Variants in MAST4 observed in about 807,000 individuals in gnomAD.
The protein encoded by MAST4 is microtubule-associated serine/threonine-protein kinase 4.
A neutral mutation model predicts 162.7 loss-of-function variants in MAST4; 89 were observed. The ratio of observed to expected loss-of-function variants is 0.55; its 90% CI spans 0.46 to 0.65. The LOEUF is 0.65. MAST4 is among the 30% of genes least tolerant of loss of function. The pLI is 0.00. For synonymous variants in MAST4, 1,479 were observed against 1,361.1 expected, an observed-to-expected ratio of 1.09 and a Z score of -1.91; for missense variants, 3,153 against 3,374.0, an observed-to-expected ratio of 0.93 and a Z score of 1.62.
At chr5:66,956,205 C>T (rs1255650862) in intron 4 of MAST4, among the ~76,000 whole-genome samples, 2 of 152,036 alleles carry the variant, frequency 1.3e-5, no homozygotes, top group Admixed American at 6.6e-5. Flanking sequence ...TTCTGACTTT[C>T]GTATCTAGCT....
intron 3 of MAST4, among the ~76,000 whole-genome samples, chr5:66,846,586 A>G (rs569391788): frequency 1.7e-4 from 26 of 152,268 alleles, no homozygotes; most frequent in African/African-American, 6.3e-4. Context: ...TTAATCCATG[A>G]CTGTAAATTA....
intron 4 of MAST4, among the ~76,000 whole-genome samples, chr5:66,910,028 G>A (rs1316402173): frequency 6.6e-6 from 1 of 152,040 alleles, no homozygotes; most frequent in African/African-American, 2.4e-5. Flanking sequence ...CCAGTCTTGG[G>A]TATGTCTTTA....
chr5:66,706,780 C>A (rs1332160364), intron 1 of MAST4, among the ~76,000 whole-genome samples: 1 of 152,028 alleles, frequency 6.6e-6, no homozygotes, highest in Non-Finnish European at 1.5e-5. Context: ...GTTTTGACTT[C>A]AGTTGATACA....
intron 5 of MAST4, among the ~76,000 whole-genome samples, chr5:67,084,680 A>G (rs144316126): frequency 1.3e-5 from 2 of 152,248 alleles, no homozygotes; most frequent in South Asian, 2.1e-4. Context: ...TTGTCTGCCT[A>G]TTGTTATACT....
At chr5:66,913,352 C>T (rs182149054) in intron 4 of MAST4, among the ~76,000 whole-genome samples, 6 of 151,214 alleles carry the variant, frequency 4.0e-5, no homozygotes. Flanking sequence ...TTTTTAAAAA[C>T]TTTACATAAC....
chr5:66,797,647 T>C (rs1027673655), intron 3 of MAST4, among the ~76,000 whole-genome samples: 1 of 152,164 alleles, frequency 6.6e-6, no homozygotes, highest in Non-Finnish European at 1.5e-5. Flanking sequence ...AGGTGGAAGC[T>C]AACAACATGC....
intron 2 of MAST4, among the ~76,000 whole-genome samples, chr5:66,765,492 A>G (rs1754052951): frequency 6.6e-6 from 1 of 152,088 alleles, no homozygotes; most frequent in Non-Finnish European, 1.5e-5. Context: ...TTATCGTATC[A>G]ATATTTATGT....
At chr5:67,049,411 A>C (rs1757892085) in intron 4 of MAST4, among the ~76,000 whole-genome samples, 2 of 152,184 alleles carry the variant, frequency 1.3e-5, no homozygotes, top group African/African-American at 4.8e-5. Flanking sequence ...TTTATGCAGC[A>C]TTACCACATT....
chr5:66,921,247 T>G (rs1464073421), intron 4 of MAST4, among the ~76,000 whole-genome samples: 1 of 152,158 alleles, frequency 6.6e-6, no homozygotes, highest in African/African-American at 2.4e-5. Context: ...CAAATGAGTA[T>G]TCTGTGCTGA....
chr5:66,661,432 G>T (rs1280426345), intron 1 of MAST4, among the ~76,000 whole-genome samples: 1 of 152,188 alleles, frequency 6.6e-6, no homozygotes, highest in Non-Finnish European at 1.5e-5. Flanking sequence ...CCTGTCACTG[G>T]CCAGAACTGT....
intron 1 of MAST4, among the ~76,000 whole-genome samples, chr5:66,639,197 A>G (rs1419950075): frequency 6.6e-6 from 1 of 151,936 alleles, no homozygotes; most frequent in Non-Finnish European, 1.5e-5. Flanking sequence ...AAACCTAGAT[A>G]GAATGATGTC....
chr5:66,701,189 G>T (rs1749755225), intron 1 of MAST4, among the ~76,000 whole-genome samples: 1 of 152,162 alleles, frequency 6.6e-6, no homozygotes, highest in Non-Finnish European at 1.5e-5. Flanking sequence ...TCTAGCAAGT[G>T]ACCAAAACTT....
In MAST4 at chr5:66,899,951, A is replaced by C. The variant is rs186351358; in HGVS notation, c.643A>C (p.Lys215Gln). 1 of 1,515,494 alleles carries C rather than the reference A, an allele frequency of 6.6e-7. No homozygotes were observed. The highest frequency in any genetic ancestry group is 1.4e-5 in the African/African-American group (1 of 70,598). The allele number at this position is 1,515,494 out of a possible 1,614,324, so 93.9% of individuals were successfully genotyped here. A position where few individuals can be genotyped will look rare whatever the true frequency, so the allele number is the denominator to read the frequency against. ...TATATGGTTTTTTTTTCTTTTGCAG[A>C]AGGAGCTGAGTCTCCCCAGAAGAGG... Reference protein sequence around the residue: ...QSAPSLTASLKELSLPRRGSF... With the variant: ...QSAPSLTASLQELSLPRRGSF... Residue 215 changes from lysine to glutamine, a missense_variant and splice_region_variant, in exon 4 of 29, where the codon AAG becomes CAG. Around this residue, in one of 7 missense-constraint regions of MAST4, gnomAD observed 327 missense variants for 336.5 expected, o/e 0.97. Coordinates refer to ENST00000403625, the MANE Select transcript of MAST4 (RefSeq NM_001164664.2).
At chr5:67,048,325 C>T (rs1370711975) in intron 4 of MAST4, among the ~76,000 whole-genome samples, 1 of 151,916 alleles carries the variant, frequency 6.6e-6, no homozygotes, top group African/African-American at 2.4e-5. Flanking sequence ...ATGGTTAAAC[C>T]TCAAAAACAT....
At chr5:66,939,999 C>T (rs1207031935) in intron 4 of MAST4, among the ~76,000 whole-genome samples, 2 of 151,868 alleles carry the variant, frequency 1.3e-5, no homozygotes, top group African/African-American at 2.4e-5. Flanking sequence ...CCTAGGAGTA[C>T]GAGGCTGCAG....
chr5:66,901,782 G>C (rs1002716521), intron 4 of MAST4, among the ~76,000 whole-genome samples: 19 of 152,030 alleles, frequency 1.2e-4, no homozygotes, highest in Non-Finnish European at 2.8e-4. Context: ...TTTCTATTAA[G>C]CACAAATATT....
At chr5:67,129,574 A>C (rs564496298) in intron 14 of MAST4, among the ~76,000 whole-genome samples, 6 of 152,182 alleles carry the variant, frequency 3.9e-5, no homozygotes, top group Admixed American at 2.6e-4. Flanking sequence ...CAAGCAAAAA[A>C]TTAGCTGGGC....
intron 4 of MAST4, among the ~76,000 whole-genome samples, chr5:66,970,092 G>A (rs575292265): frequency 1.1e-3 from 172 of 152,310 alleles, no homozygotes; most frequent in African/African-American, 3.9e-3. Context: ...CACGGTGCCA[G>A]CCCTGTGGGT....
At chr5:66,784,147 A>T (rs1755003096) in intron 2 of MAST4, among the ~76,000 whole-genome samples, 1 of 151,928 alleles carries the variant, frequency 6.6e-6, no homozygotes, top group Non-Finnish European at 1.5e-5. Context: ...CCTAGGACGT[A>T]GGAGTCCTCC....
Sources: allele counts gnomAD v4.1 joint callset (sites outside exome capture counted in the v4.1 genomes callset), GRCh38; gene constraint gnomAD v4.1.1; regional missense constraint gnomAD v4.1.1; transcripts MANE v1.5; gene names NCBI Gene and HGNC (gene_info 2026-07-23, HGNC 2026-07-21).